NMUR2: variants seen among roughly 807,000 people sequenced by gnomAD.
NMUR2 encodes neuromedin U receptor 2, also known as neuromedin-U receptor 2.
Under a neutral mutation model 25.1 loss-of-function variants are expected in NMUR2, and 24 were observed. That is an observed-to-expected ratio of 0.96 (90% CI 0.69 to 1.34). The LOEUF (loss-of-function observed/expected upper bound fraction) is 1.34. Among genes scored for constraint, NMUR2 ranks in the 40% most tolerant of loss-of-function variants. The pLI is 0.00. For synonymous variants in NMUR2, 218 were observed against 208.1 expected (o/e 1.05, Z -0.41); for missense variants, 533 against 512.8 (o/e 1.04, Z -0.38).
Position 152,404,330 on chromosome 5 carries a change from T to C in NMUR2, c.726+58A>G, listed in dbSNP as rs973341206. On this transcript the variant is annotated intron_variant, in intron 1 of 3. Coordinates refer to ENST00000255262, the MANE Select transcript of NMUR2 (RefSeq NM_020167.5). ...CCAATTCTAAGTTTTTCTCTGAACT[T>C]TGAGCCTGTGAAAAAAGAAGGGATG... The C allele has an allele frequency of 3.3e-6, 5 of 1,528,776 alleles. No individual in the cohort carries two copies. The Admixed American group carries it at 6.3e-5, about 19-fold the overall frequency. 94.7% of individuals were successfully genotyped at this position (1,528,776 alleles called of 1,614,324 possible). A position where few individuals can be genotyped will look rare whatever the true frequency, so the allele number is the denominator to read the frequency against.
chr5:152,401,449 A>G (rs1013471374), intron 1 of NMUR2, among the ~76,000 whole-genome samples: 1 of 152,212 alleles, frequency 6.6e-6, no homozygotes, highest in African/African-American at 2.4e-5. Flanking sequence ...CCAGATGTTC[A>G]TTTATATAGT....
rs762826896 is a variant in NMUR2 at position 152,392,418 on chromosome 5, C to T, written c.1021G>A (p.Val341Met). The change falls in exon 4 of 4, where the codon GTG (valine) becomes ATG (methionine). Residue 341 changes from valine (V) to methionine (M), a missense_variant. Val to Met is a conservative substitution (Grantham distance 21). Coordinates refer to ENST00000255262, the MANE Select transcript of NMUR2 (RefSeq NM_020167.5). Reference sequence around the variant, plus strand: ...CACTGTTTGTGGAAAGAAGAGATCACATTCTGGAATGCTGCCTGGAAGCGG... The same window carrying T: ...CACTGTTTGTGGAAAGAAGAGATCATATTCTGGAATGCTGCCTGGAAGCGG... ...SRRFQAAFQN[V>M]ISSFHKQWHS... is the part of the protein sequence containing the mutation. 6.2e-7 allele frequency: 1 copy of T among 1,614,022 alleles called. No homozygotes were observed. Among genetic ancestry groups the T allele is most frequent in the Non-Finnish European group, 8.5e-7 (1 of 1,179,946 alleles).
chr5:152,398,165 G>A (rs1384405163), intron 1 of NMUR2, 21 bp from the exon 2 acceptor site: 1 of 1,552,694 alleles, frequency 6.4e-7, no homozygotes, highest in East Asian at 2.2e-5. Flanking sequence ...AGTAAGTTGG[G>A]AGAGATAGTA....
At chr5:152,393,395 T>C (rs1428978241) in intron 3 of NMUR2, among the ~76,000 whole-genome samples, 2 of 152,236 alleles carry the variant, frequency 1.3e-5, no homozygotes, top group Non-Finnish European at 2.9e-5. Flanking sequence ...TTCCTTGTTG[T>C]CCTTATTTAT....
intron 1 of NMUR2, 56 bp from the exon 2 acceptor site, chr5:152,398,200 G>C: frequency 7.9e-7 from 1 of 1,269,250 alleles, no homozygotes; most frequent in Non-Finnish European, 1.1e-6. Flanking sequence ...TTTTCCTCCT[G>C]TTAAAATCTG....
chr5:152,402,313 C>T (rs948143420), intron 1 of NMUR2, among the ~76,000 whole-genome samples: 5 of 152,040 alleles, frequency 3.3e-5, no homozygotes, highest in African/African-American at 4.8e-5. Flanking sequence ...AAAGGCCCTG[C>T]GATCAGTGAC....
intron 2 of NMUR2, among the ~76,000 whole-genome samples, chr5:152,396,793 G>A (rs1344961576): frequency 2.0e-5 from 3 of 152,004 alleles, no homozygotes; most frequent in Non-Finnish European, 4.4e-5. Context: ...TCAGGAGGCT[G>A]AGGCAGGAGA....
chr5:152,392,588 T>G, intron 3 of NMUR2, 87 bp from the exon 4 acceptor site: 10 of 1,018,210 alleles, frequency 9.8e-6, no homozygotes, highest in Non-Finnish European at 1.5e-5. Flanking sequence ...TACAAAGGCC[T>G]AGAATCCCTG....
At chr5:152,400,038 AC>A (rs1166373298) in intron 1 of NMUR2, among the ~76,000 whole-genome samples, 1 of 152,206 alleles carries the variant, frequency 6.6e-6, no homozygotes, top group Non-Finnish European at 1.5e-5. Context: ...AATTAAATAG[AC>A]TTGGAAGAGT....
At chr5:152,402,358 T>C (rs1298844810) in intron 1 of NMUR2, among the ~76,000 whole-genome samples, 1 of 152,158 alleles carries the variant, frequency 6.6e-6, no homozygotes, top group Non-Finnish European at 1.5e-5. Flanking sequence ...AGTTTCAGTA[T>C]AGAGATTTTT....
chr5:152,396,258 T>C (rs1753148314), intron 2 of NMUR2, among the ~76,000 whole-genome samples: 2 of 151,824 alleles, frequency 1.3e-5, no homozygotes, highest in African/African-American at 4.8e-5. Flanking sequence ...TGTAAATACT[T>C]TACTTTGCTA....
In NMUR2 at chr5:152,392,218, A is replaced by G; in HGVS notation, c.1221T>C (p.Tyr407=). The change falls in exon 4 of 4, where the codon TAT becomes TAC. Residue 407 remains tyrosine (Y), a synonymous_variant. Transcript: ENST00000255262. ...LSSEQMSRTN[Y]QSFHFNKT is the part of the protein sequence containing the mutation. Reference sequence around the variant, plus strand: ...AGGTTTTGTTAAAGTGGAAGCTTTGATAGTTTGTTCTTGACATCTGTTCAC... The same window carrying G: ...AGGTTTTGTTAAAGTGGAAGCTTTGGTAGTTTGTTCTTGACATCTGTTCAC... The G allele has an allele frequency of 1.2e-6, 2 of 1,612,684 alleles. No individual in the cohort carries two copies. The highest frequency in any genetic ancestry group is 1.7e-6 in the Non-Finnish European group (2 of 1,178,960).
chr5:152,405,250 G>T lies in NMUR2; in HGVS notation c.-137C>A. On this transcript the variant is annotated 5_prime_UTR_variant, in exon 1 of 4. Coordinates refer to ENST00000255262, the MANE Select transcript of NMUR2 (RefSeq NM_020167.5). ...GTCACAGGCTTCGTAAGGAAGGCTG[G>T]GAGAGAGTGAGTGTTTCACCCTCCA... 3 of 1,036,696 alleles carry T rather than the reference G, an allele frequency of 2.9e-6. No individual in the cohort carries two copies. Among genetic ancestry groups the T allele is most frequent in the South Asian group, 1.7e-5 (1 of 59,380 alleles). 64.2% of individuals were successfully genotyped at this position (1,036,696 alleles called of 1,614,324 possible).
chr5:152,395,561 T>G lies in NMUR2; in HGVS notation c.835A>C (p.Ile279Leu). 1 of 1,613,454 alleles carries G rather than the reference T, an allele frequency of 6.2e-7. No homozygotes were observed. Among genetic ancestry groups the G allele is most frequent in the Non-Finnish European group, 8.5e-7 (1 of 1,179,750 alleles). Residue 279 changes from isoleucine to leucine, a missense_variant, in exon 3 of 4, where the codon ATC (isoleucine) becomes CTC (leucine). Ile to Leu is a conservative substitution (Grantham distance 5). Coordinates refer to ENST00000255262, the MANE Select transcript of NMUR2 (RefSeq NM_020167.5). ...TCAATGTGGAACGGGGCCCAACAGA[T>G]AGCAAACACTAAGACCAAGACAACT... is the stretch of plus-strand genomic sequence containing the variant. Reference protein sequence around the residue: ...MLFVLVLVFAICWAPFHIDRL... With the variant: ...MLFVLVLVFALCWAPFHIDRL...
At position 152,405,246 on chromosome 5, in the gene NMUR2, G is replaced by A. The variant is rs141539337; in HGVS notation, c.-133C>T. 167 of 1,085,742 alleles carry A rather than the reference G, an allele frequency of 1.5e-4. No individual in the cohort carries two copies. In the African/African-American group the frequency reaches 2.5e-3, roughly 16 times the overall value. The allele number at this position is 1,085,742 out of a possible 1,614,324, so 67.3% of individuals were successfully genotyped here. A position where few individuals can be genotyped will look rare whatever the true frequency, so the allele number is the denominator to read the frequency against. ...GAAAGTCACAGGCTTCGTAAGGAAGGCTGGGAGAGAGTGAGTGTTTCACCC... is the reference window on the plus strand; with the variant it reads ...GAAAGTCACAGGCTTCGTAAGGAAGACTGGGAGAGAGTGAGTGTTTCACCC... On this transcript the variant is annotated 5_prime_UTR_variant, in exon 1 of 4. Transcript: ENST00000255262.
chr5:152,400,608 T>G (rs1177800141), intron 1 of NMUR2, among the ~76,000 whole-genome samples: 2 of 152,154 alleles, frequency 1.3e-5, no homozygotes, highest in Non-Finnish European at 2.9e-5. Flanking sequence ...AAAAACACAT[T>G]CAAGGTTAGA....
chr5:152,396,006 G>A (rs1753142134), intron 2 of NMUR2, among the ~76,000 whole-genome samples: 1 of 152,170 alleles, frequency 6.6e-6, no homozygotes, highest in South Asian at 2.1e-4. Flanking sequence ...GGGTAGGCAA[G>A]GAGAAAGAAG....
chr5:152,395,633 T>C (rs1268558101), intron 2 of NMUR2, 49 bp from the exon 3 acceptor site: 17 of 1,602,364 alleles, frequency 1.1e-5, no homozygotes, highest in Admixed American at 1.7e-5. Flanking sequence ...TGTGCAAGGA[T>C]AGGTATACAA....
At position 152,392,494 on chromosome 5, in the gene NMUR2, G is replaced by A. The variant is rs1895245; in HGVS notation, c.945C>T (p.Phe315=). 4 of 1,610,744 alleles carry A rather than the reference G, an allele frequency of 2.5e-6. No homozygotes were observed. In the African/African-American group the frequency reaches 5.3e-5, roughly 22 times the overall value. ...GGTTGACAGCTGAGCTCAGGTAGAA[G>A]AAGACACCTGGAATGCAGGGGATTT... ...FNLVHVVSGV[F]FYLSSAVNPI... The change falls in exon 4 of 4, where the codon TTC becomes TTT. Residue 315 remains phenylalanine (F), a synonymous_variant. Coordinates refer to ENST00000255262, the MANE Select transcript of NMUR2 (RefSeq NM_020167.5).
Sources: gnomAD v4.1 joint callset for allele counts (sites outside exome capture counted in the v4.1 genomes callset) on GRCh38, gnomAD v4.1.1 for gene constraint, MANE v1.5 for transcripts, NCBI Gene and HGNC (gene_info 2026-07-23, HGNC 2026-07-21) for gene names.